The following HIP1R variants were observed in gnomAD, a reference collection of about 807,000 sequenced individuals.
HIP1R encodes the protein huntingtin interacting protein 1 related, also known as huntingtin-interacting protein 1-related protein.
A neutral mutation model predicts 144.2 loss-of-function variants in HIP1R; 135 were observed. That is an observed-to-expected ratio of 0.94 (90% CI 0.81 to 1.08). The LOEUF is 1.08. Ranked by LOEUF, HIP1R falls within the 50% of genes least tolerant of loss-of-function variation. The pLI, the probability that HIP1R is intolerant of heterozygous loss-of-function variation, is 0.00. For missense variants in HIP1R, 1,462 were observed against 1,432.8 expected, an observed-to-expected ratio of 1.02 and a Z score of -0.33; for synonymous variants, 698 against 612.8, an observed-to-expected ratio of 1.14 and a Z score of -2.05.
rs1483680952 is a variant in HIP1R at position 122,855,388 on chromosome 12, C to T, written c.976C>T (p.Pro326Ser). ...ENLIEISTGP[P>S]AGEPVVVADL... ...TCTCATTGAGATCAGCACAGGGCCCCCCGCGGGGGAGCCAGTGGTGAGCCC... is the reference window on the plus strand; with the variant it reads ...TCTCATTGAGATCAGCACAGGGCCCTCCGCGGGGGAGCCAGTGGTGAGCCC... The change falls in exon 11 of 32, where the codon CCC becomes TCC. Residue 326 changes from proline (P) to serine (S), a missense_variant. Physicochemically the swap from Pro to Ser is moderately conservative, Grantham distance 74 (BLOSUM62 -1). Around this residue, in one of 2 missense-constraint regions of HIP1R, gnomAD observed 1,112 missense variants for 1,011.7 expected, o/e 1.10. Coordinates refer to ENST00000253083, the MANE Select transcript of HIP1R (RefSeq NM_003959.3). The T allele has an allele frequency of 5.1e-6, 8 of 1,574,942 alleles. No homozygotes were observed. Among genetic ancestry groups the T allele is most frequent in the Non-Finnish European group, 6.0e-6 (7 of 1,161,730 alleles).
chr12:122,854,678 C>T (rs1392594627), intron 8 of HIP1R, among the ~76,000 whole-genome samples: 2 of 152,186 alleles, frequency 1.3e-5, no homozygotes, highest in Non-Finnish European at 2.9e-5. Context: ...GAGATGTGGC[C>T]GCAGCGCCTT....
intron 22 of HIP1R, 56 bp from the exon 23 acceptor site, chr12:122,859,370 G>A: frequency 6.6e-7 from 1 of 1,523,052 alleles, no homozygotes; most frequent in Admixed American, 1.7e-5. Context: ...TTCCCAGGCT[G>A]CCCGTGGGAC....
At chr12:122,835,052 T>G, upstream of HIP1R, 2 of 1,235,900 alleles carry the variant, frequency 1.6e-6, no homozygotes, top group Non-Finnish European at 2.1e-6. Flanking sequence ...CTGGGGTCCC[T>G]ACCCTGGGTG....
rs370849780 is a variant in HIP1R at position 122,858,946 on chromosome 12, G to A, written c.2158+1G>A. 10 of 1,612,742 alleles carry A rather than the reference G, an allele frequency of 6.2e-6. No homozygotes were observed. The highest frequency in any genetic ancestry group is 1.7e-5 in the Admixed American group (1 of 60,030). ...CTGGCTCCCACCGACCCTGCCGACCGTAAGTGGGTCCTGGGATGGCAGGTT... is the reference window on the plus strand; with the variant it reads ...CTGGCTCCCACCGACCCTGCCGACCATAAGTGGGTCCTGGGATGGCAGGTT... On this transcript the variant is annotated splice_donor_variant, in intron 21 of 31. Coordinates refer to ENST00000253083, the MANE Select transcript of HIP1R (RefSeq NM_003959.3). LOFTEE classifies it high-confidence loss of function.
chr12:122,851,166 G>T, intron 6 of HIP1R, 70 bp from the exon 7 acceptor site: 1 of 1,367,770 alleles, frequency 7.3e-7, no homozygotes, highest in South Asian at 1.5e-5. Flanking sequence ...CCCACTGGAG[G>T]GGGCGTCTCA....
chr12:122,851,724 G>A (rs893711186), intron 7 of HIP1R, among the ~76,000 whole-genome samples: 4 of 150,884 alleles, frequency 2.7e-5, no homozygotes, highest in Non-Finnish European at 4.4e-5. Context: ...TGCCCCTCCT[G>A]GGGTCCCTGC....
At chr12:122,846,387 C>G (rs1474117272) in intron 1 of HIP1R, among the ~76,000 whole-genome samples, 1 of 152,222 alleles carries the variant, frequency 6.6e-6, no homozygotes, top group African/African-American at 2.4e-5. Context: ...TGGGCTGTTG[C>G]TGGGAGGCGA....
rs2033567994 is a variant in HIP1R at position 122,856,154 on chromosome 12, G to A, written c.1303G>A (p.Glu435Lys). The change falls in exon 14 of 32, where the codon GAG becomes AAG. Residue 435 changes from glutamate to lysine, a missense_variant. By Grantham distance (56) the Glu-to-Lys change is moderately conservative. Around this residue, in one of 2 missense-constraint regions of HIP1R, gnomAD observed 1,112 missense variants for 1,011.7 expected, o/e 1.10. Coordinates refer to ENST00000253083, the MANE Select transcript of HIP1R (RefSeq NM_003959.3). ...EGERSQGLRE[E>K]AERKASATEA... ...CGAGCGGAGCCAGGGCCTGCGTGAGGAGGCTGAGAGTACGTGGGGCCTTGG... is the reference window on the plus strand; with the variant it reads ...CGAGCGGAGCCAGGGCCTGCGTGAGAAGGCTGAGAGTACGTGGGGCCTTGG... 6.2e-7 allele frequency: 1 copy of A among 1,602,110 alleles called. No homozygotes were observed. Among genetic ancestry groups the A allele is most frequent in the South Asian group, 1.1e-5 (1 of 89,672 alleles).
Position 122,861,152 on chromosome 12 carries a change from T to C in HIP1R, c.2912T>C (p.Leu971Pro), listed in dbSNP as rs199957629. The C allele has an allele frequency of 1.9e-6, 3 of 1,613,220 alleles. No homozygotes were observed. Among genetic ancestry groups the C allele is most frequent in the African/African-American group, 2.7e-5 (2 of 74,898 alleles). Reference protein sequence around the residue: ...EDRDTMDFSGLSLIKLKKQEM... With the variant: ...EDRDTMDFSGPSLIKLKKQEM... ...ACAGACACCATGGATTTCTCCGGCCTGTCCCTCATCAAGCTGAAGAAGCAG... is the reference window on the plus strand; with the variant it reads ...ACAGACACCATGGATTTCTCCGGCCCGTCCCTCATCAAGCTGAAGAAGCAG... The change falls in exon 30 of 32, where the codon CTG becomes CCG. Residue 971 changes from leucine (L) to proline (P), a missense_variant. By Grantham distance (98) the Leu-to-Pro change is moderately conservative. Coordinates refer to ENST00000253083, the MANE Select transcript of HIP1R (RefSeq NM_003959.3).
chr12:122,859,379 A>AT (rs2033693242), intron 22 of HIP1R, 47 bp from the exon 23 acceptor site: 3 of 1,509,676 alleles, frequency 2.0e-6, no homozygotes, highest in East Asian at 2.3e-5. Flanking sequence ...TGCCCGTGGG[A>AT]CGGGGGGGGA....
chr12:122,857,490 G>C, intron 18 of HIP1R: 1 of 556,602 alleles, frequency 1.8e-6, no homozygotes, highest in Non-Finnish European at 3.2e-6. Context: ...GTGGACATTG[G>C]GTTTGTTGCA....
chr12:122,839,381 GA>G (rs547778336), intron 1 of HIP1R, among the ~76,000 whole-genome samples: 34 of 152,208 alleles, frequency 2.2e-4, no homozygotes, highest in Non-Finnish European at 4.4e-4. Context: ...ACTGCTGAGT[GA>G]GCCAAGTCTG....
chr12:122,858,281 C>T, intron 19 of HIP1R, 32 bp downstream of exon 19: 1 of 1,578,610 alleles, frequency 6.3e-7, no homozygotes, highest in Non-Finnish European at 8.6e-7. Context: ...AGCCGCTCCC[C>T]TGCCTCCTTC....
chr12:122,857,278 G>C, intron 18 of HIP1R, 63 bp downstream of exon 18: 1 of 1,416,384 alleles, frequency 7.1e-7, no homozygotes, highest in East Asian at 2.5e-5. Flanking sequence ...CCATCGATCT[G>C]TCTCCGTGAT....
intron 18 of HIP1R, 58 bp downstream of exon 18, chr12:122,857,273 G>T (rs777423723): frequency 1.4e-6 from 2 of 1,465,576 alleles, no homozygotes; most frequent in Admixed American, 2.0e-5. Flanking sequence ...GGCAACCATC[G>T]ATCTGTCTCC....
At chr12:122,852,679 C>G (rs1211917312) in intron 7 of HIP1R, among the ~76,000 whole-genome samples, 1 of 152,190 alleles carries the variant, frequency 6.6e-6, no homozygotes, top group Non-Finnish European at 1.5e-5. Flanking sequence ...ACGTCCTAAA[C>G]ATGCCTCAGC....
rs865971140 is a variant in HIP1R, at chr12:122,859,178, G to A, written c.2276G>A (p.Gly759Asp). 1 of 1,572,768 alleles carries A rather than the reference G, an allele frequency of 6.4e-7. No individual in the cohort carries two copies. Among genetic ancestry groups the A allele is most frequent in the Non-Finnish European group, 8.6e-7 (1 of 1,159,938 alleles). The change falls in exon 22 of 32, where the codon GGC becomes GAC. Residue 759 changes from glycine (G) to aspartate (D), a missense_variant. Coordinates refer to ENST00000253083, the MANE Select transcript of HIP1R (RefSeq NM_003959.3). Reference protein sequence around the residue: ...QASLVRTPLQGILQLGQELKP... With the variant: ...QASLVRTPLQDILQLGQELKP... ...AGCCTGGTGCGGACACCCCTGCAGG[G>A]CATCCTTCAGCTGGGCCAGGTGAGG...
chr12:122,853,724 C>A (rs937095878), intron 7 of HIP1R: 3 of 271,780 alleles, frequency 1.1e-5, no homozygotes, highest in Non-Finnish European at 2.1e-5. Context: ...GGTTTGAGGC[C>A]CGTGGGCATG....
Position 122,851,304 on chromosome 12 carries a change from C to A in HIP1R, c.577+7C>A. ...CTGAAGCTTTCTGAATCAGGTGAGC[C>A]GTAAAGAGGGGATGCGGGGGTCTGA... is the stretch of plus-strand genomic sequence containing the variant. On this transcript the variant is annotated splice_region_variant and intron_variant, in intron 7 of 31. Coordinates refer to ENST00000253083, the MANE Select transcript of HIP1R (RefSeq NM_003959.3). 6.5e-7 allele frequency: 1 copy of A among 1,544,964 alleles called. No individual in the cohort carries two copies. Among genetic ancestry groups the A allele is most frequent in the South Asian group, 1.2e-5 (1 of 80,462 alleles).
Sources: allele counts gnomAD v4.1 joint callset (sites outside exome capture counted in the v4.1 genomes callset), GRCh38; gene constraint gnomAD v4.1.1; regional missense constraint gnomAD v4.1.1; transcripts MANE v1.5; gene names NCBI Gene and HGNC (gene_info 2026-07-23, HGNC 2026-07-21).